Variants in OTOG observed in about 807,000 individuals in gnomAD.
The protein encoded by OTOG is otogelin.
In OTOG, 296 loss-of-function variants were observed where a neutral mutation model predicts 313.8. That is an observed-to-expected ratio of 0.94 (90% confidence interval 0.86 to 1.04). The LOEUF (loss-of-function observed/expected upper bound fraction) is 1.04. Among genes scored for constraint, OTOG ranks in the 50% least tolerant of loss-of-function variants. The pLI is 0.00. For missense variants in OTOG, 3,948 were observed against 3,840.1 expected (o/e 1.03, Z -0.74); for synonymous variants, 1,533 against 1,554.9 (o/e 0.99, Z 0.33).
intron 15 of OTOG, among the ~76,000 whole-genome samples, chr11:17,566,034 T>C (rs1277084929): frequency 6.6e-6 from 1 of 152,180 alleles, no homozygotes; most frequent in African/African-American, 2.4e-5. Context: ...TACTGGGGTA[T>C]GACTTCCTTT....
chr11:17,611,074 G>A lies in OTOG; in HGVS notation c.5774G>A (p.Gly1925Asp). 4 of 1,550,582 alleles carry A rather than the reference G, an allele frequency of 2.6e-6. No homozygotes were observed. The South Asian group carries it at 4.8e-5, about 18-fold the overall frequency. The change falls in exon 36 of 56, where the codon GGT (glycine) becomes GAT (aspartate). Residue 1925 changes from glycine to aspartate, a missense_variant. Physicochemically the swap from Gly to Asp is moderately conservative, Grantham distance 94 (BLOSUM62 -1). Transcript: ENST00000399397. ...KQVSLPTSMYGSAEGGPTELT... is the reference protein window; with the variant it reads ...KQVSLPTSMYDSAEGGPTELT... ...GTGTCTCTGCCCACTTCCATGTATGGTTCTGCAGAGGGTGGGCCCACAGAG... is the reference window on the plus strand; with the variant it reads ...GTGTCTCTGCCCACTTCCATGTATGATTCTGCAGAGGGTGGGCCCACAGAG...
Position 17,641,061 on chromosome 11 carries a change from C to T in OTOG, c.8160C>T (p.Thr2720=). The T allele has an allele frequency of 1.3e-6, 2 of 1,526,486 alleles. No homozygotes were observed. Among genetic ancestry groups the T allele is most frequent in the Non-Finnish European group, 1.8e-6 (2 of 1,135,732 alleles). The allele number at this position is 1,526,486 out of a possible 1,614,324, so 94.6% of individuals were successfully genotyped here. A position where few individuals can be genotyped will look rare whatever the true frequency, so the allele number is the denominator to read the frequency against. ...PLTNFYQINT[T]SVLCDIHCEA... Reference sequence around the variant, plus strand: ...CCAACTTCTACCAGATCAACACCACCTCCGTGCTCTGTGACATCCACTGTG... The same window carrying T: ...CCAACTTCTACCAGATCAACACCACTTCCGTGCTCTGTGACATCCACTGTG... The change falls in exon 51 of 56, where the codon ACC becomes ACT. Residue 2720 remains threonine (T), a synonymous_variant. Transcript: ENST00000399397.
At chr11:17,557,490 G>T (rs1225947906) in intron 8 of OTOG, among the ~76,000 whole-genome samples, 167 bp downstream of exon 8, 1 of 152,116 alleles carries the variant, frequency 6.6e-6, no homozygotes, top group Non-Finnish European at 1.5e-5. Context: ...GTGTCCTTGG[G>T]CATGTTCTTA....
intron 22 of OTOG, 67 bp downstream of exon 22, chr11:17,576,978 A>G (rs1170925323): frequency 6.8e-7 from 1 of 1,462,676 alleles, no homozygotes; most frequent in Non-Finnish European, 9.2e-7. Flanking sequence ...TGGGGAGTGG[A>G]GCACTGATCA....
intron 45 of OTOG, 45 bp from the exon 46 acceptor site, chr11:17,635,035 C>T (rs1223569241): frequency 1.2e-5 from 18 of 1,535,644 alleles, no homozygotes; most frequent in Non-Finnish European, 1.5e-5. Flanking sequence ...CAGGGGTGGC[C>T]AGGCAGGTTC....
intron 22 of OTOG, among the ~76,000 whole-genome samples, chr11:17,577,285 T>C (rs373249072): frequency 6.6e-6 from 1 of 152,316 alleles, no homozygotes; most frequent in South Asian, 2.1e-4. Flanking sequence ...CCCAGGACAA[T>C]GCTAGGTGTG....
chr11:17,643,402 C>A, intron 53 of OTOG, 59 bp from the exon 54 acceptor site: 4 of 1,221,714 alleles, frequency 3.3e-6, no homozygotes, highest in Non-Finnish European at 4.3e-6. Context: ...GGGATCTTGG[C>A]TCCCGGCCTG....
At chr11:17,643,605 A>G in intron 54 of OTOG, 99 bp downstream of exon 54, 1 of 856,068 alleles carries the variant, frequency 1.2e-6, no homozygotes, top group Non-Finnish European at 1.6e-6. Flanking sequence ...CCTGGCACCT[A>G]AAATGATAGC....
rs7936324 is a variant in OTOG at position 17,594,057 on chromosome 11, C to T, written c.3299C>T (p.Ala1100Val). ...CCTCTCTCCTTTCAGGGCCAGCTGG[C>T]GGGCCTCTGTGGGAACTTTGACTTA... ...QAGPQWQGQLAGLCGNFDLKT... is the reference protein window; with the variant it reads ...QAGPQWQGQLVGLCGNFDLKT... The change falls in exon 28 of 56, where the codon GCG becomes GTG. Residue 1100 changes from alanine to valine, a missense_variant. Coordinates refer to ENST00000399397, the MANE Select transcript of OTOG (RefSeq NM_001292063.2). 11,988 of 1,550,468 alleles carry T rather than the reference C, an allele frequency of 7.7e-3. 760 individuals carry two copies. The African/African-American group carries it at 0.14, about 18-fold the overall frequency.
intron 1 of OTOG, 98 bp downstream of exon 1, chr11:17,547,564 AAG>A (rs1333696018): frequency 6.3e-6 from 8 of 1,274,878 alleles, no homozygotes; most frequent in African/African-American, 1.5e-5. Context: ...AGAGGGAGGA[AAG>A]AGAGGTTTGA....
rs1011001164 is a variant in OTOG, at chr11:17,587,513, A to G, written c.2867+932A>G. 3.3e-5 allele frequency among the ~76,000 whole-genome samples: 5 copies of G among 152,236 alleles called. No individual in the cohort carries two copies. The East Asian group carries it at 9.6e-4, about 29-fold the overall frequency. ...CAGCAGAGAAGCTCAGAGAGGTTCT[A>G]TCTCAGAGACCCATCTGGCTAGCTG... is the stretch of plus-strand genomic sequence containing the variant. On this transcript the variant is annotated intron_variant, in intron 24 of 55. Coordinates refer to ENST00000399397, the MANE Select transcript of OTOG (RefSeq NM_001292063.2).
In OTOG at chr11:17,593,265, A is replaced by G. The variant is rs768584802; in HGVS notation, c.3079A>G (p.Lys1027Glu). The G allele has an allele frequency of 7.7e-6, 12 of 1,550,438 alleles. No homozygotes were observed. Among genetic ancestry groups the G allele is most frequent in the Non-Finnish European group, 8.7e-6 (10 of 1,146,846 alleles). ...NCYSSGMICR[K>E]FISINVGNSL... ...CTACAGCTCTGGCATGATCTGCAGGAAATTTATTTCCATCAACGTTGGGAA... is the reference window on the plus strand; with the variant it reads ...CTACAGCTCTGGCATGATCTGCAGGGAATTTATTTCCATCAACGTTGGGAA... Residue 1027 changes from lysine to glutamate, a missense_variant, in exon 26 of 56, where the codon AAA becomes GAA. Lys to Glu is a moderately conservative substitution (Grantham distance 56). Transcript: ENST00000399397.
chr11:17,578,031 G>C (rs1034380330), intron 22 of OTOG, among the ~76,000 whole-genome samples: 3 of 152,176 alleles, frequency 2.0e-5, no homozygotes, highest in African/African-American at 7.2e-5. Flanking sequence ...AGGAGGAGAA[G>C]TGGCTTCACT....
chr11:17,564,864 C>T (rs963017564), intron 15 of OTOG, among the ~76,000 whole-genome samples: 11 of 152,322 alleles, frequency 7.2e-5, no homozygotes, highest in Admixed American at 1.3e-4. Flanking sequence ...GAGCTGAGCC[C>T]GACCTAGGGT....
At chr11:17,589,661 G>T (rs1167610893) in intron 24 of OTOG, among the ~76,000 whole-genome samples, 2 of 152,070 alleles carry the variant, frequency 1.3e-5, no homozygotes, top group Non-Finnish European at 2.9e-5. Flanking sequence ...CCATTTCTCT[G>T]CTCGCCTTTT....
At chr11:17,603,596 C>G (rs760833459) in intron 32 of OTOG, among the ~76,000 whole-genome samples, 4 of 152,128 alleles carry the variant, frequency 2.6e-5, no homozygotes, top group Non-Finnish European at 4.4e-5. Flanking sequence ...AGTGGGGACC[C>G]AAGCTCCTCC....
At chr11:17,608,046 TCTTCCCTGTCCTCAGTC>T (rs1462737564) in intron 33 of OTOG, among the ~76,000 whole-genome samples, 3 of 152,002 alleles carry the variant, frequency 2.0e-5, no homozygotes, top group Admixed American at 6.5e-5. Context: ...TGTCCTCAGT[TCTTCCCTGTCCTCAGTC>T]CTTCCCTGTC....
In OTOG at chr11:17,645,940, C is replaced by T. The variant is rs1430011196; in HGVS notation, c.8738C>T (p.Ser2913Phe). The T allele has an allele frequency of 6.5e-7, 1 of 1,549,158 alleles. No individual in the cohort carries two copies. Among genetic ancestry groups the T allele is most frequent in the Admixed American group, 2.0e-5 (1 of 51,012 alleles). Residue 2913 changes from serine (S) to phenylalanine (F), a missense_variant, in exon 56 of 56, where the codon TCC becomes TTC. Transcript: ENST00000399397. ...QEPTDCACQW[S>F] The stretch of plus-strand genomic sequence containing the variant: ...CCCACCGACTGTGCCTGCCAGTGGT[C>T]CTGAGGCCTGGGGGCCCGGGCTAGC...
At chr11:17,614,810 T>C (rs923549197) in intron 39 of OTOG, among the ~76,000 whole-genome samples, 3 of 152,248 alleles carry the variant, frequency 2.0e-5, no homozygotes, top group Non-Finnish European at 4.4e-5. Flanking sequence ...ATATTTGAGT[T>C]GTTTCCAGTT....
Sources: gnomAD v4.1 joint callset for allele counts (sites outside exome capture counted in the v4.1 genomes callset) on GRCh38, gnomAD v4.1.1 for gene constraint, MANE v1.5 for transcripts, NCBI Gene and HGNC (gene_info 2026-07-23, HGNC 2026-07-21) for gene names.